ITPR2: variants seen among roughly 807,000 people sequenced by gnomAD.
ITPR2 encodes the protein inositol 1,4,5-trisphosphate receptor type 2, also known as inositol 1,4,5-trisphosphate-gated calcium channel ITPR2.
In ITPR2, 207 loss-of-function variants were observed where a neutral mutation model predicts 317.1. That is an observed-to-expected ratio of 0.65 (90% CI 0.58 to 0.73). The LOEUF (loss-of-function observed/expected upper bound fraction) is 0.73. ITPR2 is among the 30% of genes least tolerant of loss of function. The pLI, the probability that ITPR2 is intolerant of heterozygous loss-of-function variation, is 0.00. For synonymous variants in ITPR2, 1,156 were observed against 1,149.1 expected, an observed-to-expected ratio of 1.01 and a Z score of -0.12; for missense variants, 2,613 against 3,284.0, an observed-to-expected ratio of 0.80 and a Z score of 4.99.
intron 37 of ITPR2, among the ~76,000 whole-genome samples, chr12:26,523,994 T>C (rs762910308): frequency 7.9e-5 from 12 of 152,222 alleles, no homozygotes; most frequent in Non-Finnish European, 1.6e-4. Flanking sequence ...GCACATGTAC[T>C]GTCACATGCT....
intron 47 of ITPR2, among the ~76,000 whole-genome samples, chr12:26,438,332 C>T: frequency 6.6e-6 from 1 of 152,076 alleles, no homozygotes; most frequent in East Asian, 1.9e-4. Flanking sequence ...ATCATACCCA[C>T]TAAAGTTGCT....
rs574236416 is a variant in ITPR2 at position 26,497,810 on chromosome 12, A to T, written c.5074-2550T>A. 4.0e-5 allele frequency among the ~76,000 whole-genome samples: 6 copies of T among 151,388 alleles called. No individual in the cohort carries two copies. In the East Asian group the frequency reaches 1.2e-3, roughly 30 times the overall value. On this transcript the variant is annotated intron_variant, in intron 37 of 56. Coordinates refer to ENST00000381340, the MANE Select transcript of ITPR2 (RefSeq NM_002223.4). Reference sequence around the variant, plus strand: ...ACTGCAACCTCCACCTCCCTGGTTCAAGCAATTCCCCTGCCTCAGCCTCCC... The same window carrying T: ...ACTGCAACCTCCACCTCCCTGGTTCTAGCAATTCCCCTGCCTCAGCCTCCC...
At chr12:26,461,935 C>T (rs891560134) in intron 45 of ITPR2, among the ~76,000 whole-genome samples, 4 of 149,616 alleles carry the variant, frequency 2.7e-5, no homozygotes, top group Admixed American at 6.6e-5. Context: ...TAACTATTTC[C>T]CTTTCCGAAG....
chr12:26,514,640 T>C lies in ITPR2; in HGVS notation c.5074-19380A>G, dbSNP rs148173685. ...AGCTCCAGTAACTTGCTACTGTTTG[T>C]ACAGTTTCACTACTGAAACACTGAC... On this transcript the variant is annotated intron_variant, in intron 37 of 56. Transcript: ENST00000381340. Among the ~76,000 whole-genome samples, 1,148 of 152,362 alleles carry C rather than the reference T, an allele frequency of 7.5e-3. 18 individuals carry two copies. Among genetic ancestry groups the C allele is most frequent in the Admixed American group, 0.011 (171 of 15,304 alleles).
chr12:26,707,940 T>A (rs1224063998), intron 9 of ITPR2, among the ~76,000 whole-genome samples: 1 of 151,370 alleles, frequency 6.6e-6, no homozygotes, highest in East Asian at 1.9e-4. Context: ...GAGTAAAAGA[T>A]CTGAATACAA....
At chr12:26,819,710 C>G (rs1950910857) in intron 1 of ITPR2, among the ~76,000 whole-genome samples, 1 of 151,824 alleles carries the variant, frequency 6.6e-6, no homozygotes, top group South Asian at 2.1e-4. Flanking sequence ...TAAAAACAAA[C>G]TGAATTTACA....
intron 52 of ITPR2, among the ~76,000 whole-genome samples, chr12:26,408,423 A>G (rs1481533825): frequency 6.6e-6 from 1 of 152,264 alleles, no homozygotes; most frequent in Non-Finnish European, 1.5e-5. Flanking sequence ...AAATAATTAC[A>G]ATAGACCATT....
intron 2 of ITPR2, among the ~76,000 whole-genome samples, chr12:26,732,812 T>A (rs984194616): frequency 3.3e-5 from 5 of 152,182 alleles, no homozygotes; most frequent in Non-Finnish European, 5.9e-5. Context: ...AGAACAAATC[T>A]AATCTGGCTT....
chr12:26,670,507 A>G (rs1565680348), intron 13 of ITPR2, among the ~76,000 whole-genome samples: 1 of 152,230 alleles, frequency 6.6e-6, no homozygotes, highest in African/African-American at 2.4e-5. Flanking sequence ...TTAGAAGGAA[A>G]ACTAACAAAC....
intron 54 of ITPR2, among the ~76,000 whole-genome samples, chr12:26,393,293 A>AT: frequency 6.6e-6 from 1 of 152,348 alleles, no homozygotes; most frequent in South Asian, 2.1e-4. Context: ...TCACTATTTT[A>AT]TAGCCTACTA....
intron 55 of ITPR2, among the ~76,000 whole-genome samples, chr12:26,376,833 A>G (rs1420864212): frequency 6.6e-6 from 1 of 151,790 alleles, no homozygotes; most frequent in Non-Finnish European, 1.5e-5. Context: ...TTCTCAGGCA[A>G]TCCTCCTGCC....
intron 54 of ITPR2, among the ~76,000 whole-genome samples, chr12:26,389,755 C>G (rs544531030): frequency 1.9e-4 from 29 of 152,058 alleles, no homozygotes; most frequent in African/African-American, 7.0e-4. Flanking sequence ...CTGAATATAG[C>G]CAAATCGAAG....
intron 1 of ITPR2, among the ~76,000 whole-genome samples, chr12:26,794,100 A>C (rs1950388236): frequency 6.6e-6 from 1 of 152,172 alleles, no homozygotes; most frequent in Admixed American, 6.5e-5. Context: ...ACTGTAAATT[A>C]TTTGTTCAAA....
At chr12:26,734,379 T>G (rs951445271) in intron 2 of ITPR2, among the ~76,000 whole-genome samples, 1 of 152,172 alleles carries the variant, frequency 6.6e-6, no homozygotes, top group African/African-American at 2.4e-5. Context: ...GATTCCTTGC[T>G]GAAATTATCC....
chr12:26,649,813 A>ATAGC (rs1947202716), intron 21 of ITPR2, among the ~76,000 whole-genome samples: 1 of 151,616 alleles, frequency 6.6e-6, no homozygotes, highest in South Asian at 2.1e-4. Context: ...AGATAGATAG[A>ATAGC]TAGATAGATA....
In ITPR2 at chr12:26,724,640, A is replaced by T; in HGVS notation, c.366+16T>A. ...TCCACATAAAATACTCACCTCGTTT[A>T]AGAGAAAATACTTACTTGTATAACA... is the stretch of plus-strand genomic sequence containing the variant. On this transcript the variant is annotated intron_variant, in intron 4 of 56. Coordinates refer to ENST00000381340, the MANE Select transcript of ITPR2 (RefSeq NM_002223.4). 2.7e-6 allele frequency: 4 copies of T among 1,478,964 alleles called. No homozygotes were observed. Among genetic ancestry groups the T allele is most frequent in the Non-Finnish European group, 3.8e-6 (4 of 1,063,160 alleles). 91.6% of individuals were successfully genotyped at this position (1,478,964 alleles called of 1,614,324 possible).
At chr12:26,369,648 G>A (rs1939124505) in intron 55 of ITPR2, among the ~76,000 whole-genome samples, 1 of 152,194 alleles carries the variant, frequency 6.6e-6, no homozygotes, top group African/African-American at 2.4e-5. Context: ...TTTTGTCCCT[G>A]ATTCTTGGGA....
At chr12:26,726,800 T>C (rs1175787184) in intron 2 of ITPR2, among the ~76,000 whole-genome samples, 5 of 152,190 alleles carry the variant, frequency 3.3e-5, no homozygotes, top group Non-Finnish European at 7.3e-5. Flanking sequence ...TTTTCAAATA[T>C]CACTTTTTCA....
intron 44 of ITPR2, among the ~76,000 whole-genome samples, chr12:26,476,473 C>T (rs970008803): frequency 2.0e-5 from 3 of 152,254 alleles, no homozygotes; most frequent in African/African-American, 4.8e-5. Context: ...TGAGGCCAAG[C>T]ATTGTACAAC....
Sources: allele counts gnomAD v4.1 joint callset (sites outside exome capture counted in the v4.1 genomes callset), GRCh38; gene constraint gnomAD v4.1.1; transcripts MANE v1.5; gene names NCBI Gene and HGNC (gene_info 2026-07-23, HGNC 2026-07-21).